The following CAPN2 variants were observed in gnomAD, a reference collection of about 807,000 sequenced individuals.
CAPN2 encodes calpain-2 catalytic subunit.
CAPN2 carries 92 observed loss-of-function variants against 102.3 expected under a neutral mutation model. The observed-to-expected ratio is 0.90, with a 90% CI of 0.76 to 1.07. The LOEUF is 1.07. Among genes scored for constraint, CAPN2 ranks in the 50% least tolerant of loss-of-function variants. The pLI, the probability that CAPN2 is intolerant of heterozygous loss-of-function variation, is 0.00. For synonymous variants in CAPN2, 340 were observed against 355.4 expected, an observed-to-expected ratio of 0.96 and a Z score of 0.49; for missense variants, 800 against 909.4, an observed-to-expected ratio of 0.88 and a Z score of 1.55.
intron 14 of CAPN2, 92 bp from the exon 15 acceptor site, chr1:223,764,058 C>A: frequency 3.1e-6 from 3 of 980,972 alleles, no homozygotes; most frequent in Non-Finnish European, 4.9e-6. Flanking sequence ...ATAGGCCCCA[C>A]CGCAGGCCTA....
chr1:223,768,852 TTTTA>T, intron 16 of CAPN2, among the ~76,000 whole-genome samples: 1 of 151,968 alleles, frequency 6.6e-6, no homozygotes, highest in Non-Finnish European at 1.5e-5. Flanking sequence ...TTGTATCCTC[TTTTA>T]TTTCCTTGAG....
chr1:223,747,845 CT>C (rs1160658258), intron 5 of CAPN2, among the ~76,000 whole-genome samples: 1 of 152,180 alleles, frequency 6.6e-6, no homozygotes, highest in Non-Finnish European at 1.5e-5. Context: ...AGTGCCATCT[CT>C]TAGAGGTATT....
chr1:223,746,958 G>C (rs769793728), intron 4 of CAPN2, 39 bp from the exon 5 acceptor site: 1 of 1,576,704 alleles, frequency 6.3e-7, no homozygotes, highest in Non-Finnish European at 8.7e-7. Context: ...AGCATCAGTA[G>C]TGTCAAGGGT....
chr1:223,762,087 G>A, intron 13 of CAPN2, 99 bp from the exon 14 acceptor site: 1 of 962,510 alleles, frequency 1.0e-6, no homozygotes, highest in Non-Finnish European at 1.6e-6. Context: ...GGGAGGGGTA[G>A]AGAAGGGGAG....
At chr1:223,773,993 A>G (rs1156933263) in intron 20 of CAPN2, among the ~76,000 whole-genome samples, 1 of 152,156 alleles carries the variant, frequency 6.6e-6, no homozygotes, top group Admixed American at 6.5e-5. Flanking sequence ...TGATCTCCCC[A>G]CTACATTCCA....
At chr1:223,706,342 A>G (rs193032708) in intron 1 of CAPN2, among the ~76,000 whole-genome samples, 1 of 152,344 alleles carries the variant, frequency 6.6e-6, no homozygotes, top group Admixed American at 6.5e-5. Flanking sequence ...TGCTACAGCT[A>G]TGAGGAAAGA....
chr1:223,771,799 G>GTAAC lies in CAPN2; in HGVS notation c.1904-8_1904-5dup. 1 of 1,568,246 alleles carries GTAAC rather than the reference G, an allele frequency of 6.4e-7. No individual in the cohort carries two copies. The highest frequency in any genetic ancestry group is 2.2e-5 in the East Asian group (1 of 44,658). ...CTTAGCAATGAGTTTGTTTGTTCATGTAACTTCAGGTTTCAAGATGCCCTG... is the reference window on the plus strand; with the variant it reads ...CTTAGCAATGAGTTTGTTTGTTCATGTAACTAACTTCAGGTTTCAAGATGCCCTG... On this transcript the variant is annotated splice_polypyrimidine_tract_variant and intron_variant, in intron 18 of 20. Coordinates refer to ENST00000295006, the MANE Select transcript of CAPN2 (RefSeq NM_001748.5).
intron 4 of CAPN2, 75 bp from the exon 5 acceptor site, chr1:223,746,922 T>C: frequency 2.9e-6 from 4 of 1,364,098 alleles, no homozygotes; most frequent in Non-Finnish European, 4.1e-6. Flanking sequence ...TAGACGGTAC[T>C]AGGGGGTGGC....
intron 14 of CAPN2, among the ~76,000 whole-genome samples, chr1:223,763,283 TG>T (rs1661234018): frequency 6.6e-6 from 1 of 151,886 alleles, no homozygotes; most frequent in African/African-American, 2.4e-5. Flanking sequence ...CTCCCTTCGC[TG>T]ACCTAAAGAC....
At chr1:223,771,774 C>T in intron 18 of CAPN2, 35 bp from the exon 19 acceptor site, 1 of 1,273,968 alleles carries the variant, frequency 7.8e-7, no homozygotes, top group South Asian at 1.2e-5. Context: ...CAATCTAATG[C>T]TTAGCAATGA....
At chr1:223,749,306 G>T in intron 6 of CAPN2, 184 bp downstream of exon 6, 1 of 601,046 alleles carries the variant, frequency 1.7e-6, no homozygotes, top group South Asian at 2.0e-5. Context: ...GGCGCCGGGT[G>T]CGCCGCGCTG....
chr1:223,769,558 G>A (rs1050894992), intron 16 of CAPN2, among the ~76,000 whole-genome samples: 2 of 152,098 alleles, frequency 1.3e-5, no homozygotes, highest in African/African-American at 4.8e-5. Flanking sequence ...AAAGCCCTCT[G>A]CATGTCATCC....
chr1:223,719,813 T>TGC (rs1660001164), intron 2 of CAPN2, among the ~76,000 whole-genome samples: 2 of 142,222 alleles, frequency 1.4e-5, no homozygotes, highest in East Asian at 2.2e-4. Flanking sequence ...TGCGTGTGTG[T>TGC]GTGTGTGTGT....
intron 12 of CAPN2, among the ~76,000 whole-genome samples, chr1:223,761,199 C>T (rs7548911): frequency 0.13 from 19,491 of 152,260 alleles, 1,326 homozygotes; most frequent in African/African-American, 0.16. Flanking sequence ...ACGAACACCA[C>T]GCTACACGCG....
At chr1:223,764,083 G>T in intron 14 of CAPN2, 67 bp from the exon 15 acceptor site, 1 of 1,271,374 alleles carries the variant, frequency 7.9e-7, no homozygotes, top group Non-Finnish European at 1.2e-6. Context: ...ATGCACTGGT[G>T]TCCTGCCCTG....
At chr1:223,764,079 T>G (rs1661252204) in intron 14 of CAPN2, 71 bp from the exon 15 acceptor site, 5 of 1,197,496 alleles carry the variant, frequency 4.2e-6, no homozygotes, top group Middle Eastern at 2.0e-4. Flanking sequence ...CCTAATGCAC[T>G]GGTGTCCTGC....
intron 9 of CAPN2, among the ~76,000 whole-genome samples, chr1:223,753,444 G>A (rs944822374): frequency 2.0e-5 from 3 of 152,250 alleles, no homozygotes; most frequent in African/African-American, 2.4e-5. Context: ...TTGACTGGGC[G>A]CTGCCCAGAT....
At chr1:223,744,824 T>C (rs1264214628) in intron 3 of CAPN2, among the ~76,000 whole-genome samples, 1 of 151,932 alleles carries the variant, frequency 6.6e-6, no homozygotes, top group Non-Finnish European at 1.5e-5. Flanking sequence ...GGTGGATCAC[T>C]TGAGCCCAGG....
chr1:223,711,998 C>T (rs1460036495), upstream of CAPN2, among the ~76,000 whole-genome samples: 1 of 152,128 alleles, frequency 6.6e-6, no homozygotes, highest in Non-Finnish European at 1.5e-5. Context: ...GCTTAGAGTC[C>T]CTGTTCTGCC....
Sources: allele counts gnomAD v4.1 joint callset (sites outside exome capture counted in the v4.1 genomes callset), GRCh38; gene constraint gnomAD v4.1.1; transcripts MANE v1.5; gene names NCBI Gene and HGNC (gene_info 2026-07-23, HGNC 2026-07-21).